FAM149A: variants seen among roughly 807,000 people sequenced by gnomAD.
FAM149A encodes the protein family with sequence similarity 149 member A.
Under a neutral mutation model 78.2 loss-of-function variants are expected in FAM149A, and 71 were observed. That is an observed-to-expected ratio of 0.91 (90% CI 0.75 to 1.11). FAM149A has a LOEUF of 1.11. Ranked by LOEUF, FAM149A falls within the 50% of genes least tolerant of loss-of-function variation. FAM149A has a pLI of 0.00. For synonymous variants in FAM149A, 446 were observed against 410.5 expected (o/e 1.09, Z -1.04); for missense variants, 1,036 against 971.0 (o/e 1.07, Z -0.89).
Position 186,105,421 on chromosome 4 carries a change from C to CG in FAM149A, c.350dup (p.Cys118LeufsTer56). ...CGCCCCAGCCCCCCACTCCCTCCGG[C>CG]GGGGGCTGCTCCCCTGCTCGCCTGG... On this transcript the variant is annotated frameshift_variant, in exon 1 of 14. Coordinates refer to ENST00000389354, the MANE Select transcript of FAM149A (RefSeq NM_001367768.3). LOFTEE classifies it high-confidence loss of function. 1 of 1,196,672 alleles carries CG rather than the reference C, an allele frequency of 8.4e-7. No individual in the cohort carries two copies. The highest frequency in any genetic ancestry group is 3.5e-5 in the Admixed American group (1 of 28,788). 74.1% of individuals were successfully genotyped at this position (1,196,672 alleles called of 1,614,324 possible).
intron 1 of FAM149A, chr4:186,127,143 C>A (rs1485578741): frequency 9.1e-6 from 9 of 985,004 alleles, no homozygotes; most frequent in African/African-American, 8.7e-5. Context: ...ACTGCACGGG[C>A]CAACAGGAGC....
chr4:186,119,962 A>G (rs1302476036), intron 1 of FAM149A, among the ~76,000 whole-genome samples: 4 of 152,344 alleles, frequency 2.6e-5, no homozygotes, highest in South Asian at 2.1e-4. Flanking sequence ...ATCCTAAGGA[A>G]CTACAGTTTG....
intron 1 of FAM149A, among the ~76,000 whole-genome samples, chr4:186,107,999 T>C (rs1561381384): frequency 6.6e-6 from 1 of 152,260 alleles, no homozygotes; most frequent in Non-Finnish European, 1.5e-5. Context: ...CTTTCAATAC[T>C]GCAGACTTTG....
chr4:186,165,001 C>T (rs1003405655), intron 10 of FAM149A, among the ~76,000 whole-genome samples: 5 of 152,160 alleles, frequency 3.3e-5, no homozygotes, highest in Admixed American at 3.3e-4. Context: ...CAGTGCCCAC[C>T]CCCTTTGGTG....
At chr4:186,118,686 C>T (rs1300137340) in intron 1 of FAM149A, among the ~76,000 whole-genome samples, 2 of 151,848 alleles carry the variant, frequency 1.3e-5, no homozygotes, top group Non-Finnish European at 2.9e-5. Flanking sequence ...CTTAAAATAC[C>T]GGGCTAAGCA....
At chr4:186,110,363 A>AGGGATGAACGGTGGCTCT in intron 1 of FAM149A, 3 of 970,438 alleles carry the variant, frequency 3.1e-6, no homozygotes, top group Non-Finnish European at 3.7e-6. Context: ...ACGGTGGCTC[A>AGGGATGAACGGTGGCTCT]GTGTACAATT....
Position 186,110,943 on chromosome 4 carries a change from A to C in FAM149A, c.566+5301A>C, listed in dbSNP as rs1423466560. Among the ~76,000 whole-genome samples the C allele has an allele frequency of 2.8e-3, 383 of 135,938 alleles. 4 individuals are homozygous for C. The highest frequency in any genetic ancestry group is 0.01 in the African/African-American group (364 of 35,192). 89.2% of individuals were successfully genotyped at this position (135,938 alleles called of 152,430 possible). On this transcript the variant is annotated intron_variant, in intron 1 of 13. Transcript: ENST00000389354. ...GATGGCTGGGTCAAATGGTATTTCT[A>C]GTTCTAGATCCCTGAGGAATCGCCA...
intron 1 of FAM149A, among the ~76,000 whole-genome samples, chr4:186,141,018 A>AT (rs1447852120): frequency 3.3e-5 from 5 of 152,208 alleles, no homozygotes; most frequent in African/African-American, 1.2e-4. Flanking sequence ...AGCATCTGGT[A>AT]TTTTTAAGAA....
chr4:186,147,091 T>C, intron 1 of FAM149A: 2 of 637,980 alleles, frequency 3.1e-6, no homozygotes, highest in Non-Finnish European at 3.9e-6. Flanking sequence ...ATGATGATAA[T>C]AGCAGTGAGA....
At position 186,164,648 on chromosome 4, in the gene FAM149A, C is replaced by A; in HGVS notation, c.1890-696C>A. ...CTTCCCCCCATGCCAGTCAGCAGCACACGGTGCCAGTCAGCAACACATGGC... is the reference window on the plus strand; with the variant it reads ...CTTCCCCCCATGCCAGTCAGCAGCAAACGGTGCCAGTCAGCAACACATGGC... On this transcript the variant is annotated intron_variant, in intron 10 of 13. Coordinates refer to ENST00000389354, the MANE Select transcript of FAM149A (RefSeq NM_001367768.3). This position sits in a 1 kb window ranked among gnomAD's most constrained non-coding sequence, Gnocchi z 4.0. 1 of 231,418 alleles carries A rather than the reference C, an allele frequency of 4.3e-6. No homozygotes were observed. The highest frequency in any genetic ancestry group is 7.1e-6 in the Non-Finnish European group (1 of 140,530). 14.3% of individuals were successfully genotyped at this position (231,418 alleles called of 1,614,324 possible).
At position 186,156,015 on chromosome 4, in the gene FAM149A, T is replaced by C. The variant is rs17881021; in HGVS notation, c.1245T>C (p.Leu415=). The change falls in exon 7 of 14, where the codon CTT becomes CTC. Residue 415 remains leucine (L), a synonymous_variant. Coordinates refer to ENST00000389354, the MANE Select transcript of FAM149A (RefSeq NM_001367768.3). Reference sequence around the variant, plus strand: ...TTATTCTTAGTGATGATGAATGTCTTGAACAAAAACCAGCTCAGCCCGGTA... The same window carrying C: ...TTATTCTTAGTGATGATGAATGTCTCGAACAAAAACCAGCTCAGCCCGGTA... 1.9e-6 allele frequency: 3 copies of C among 1,612,520 alleles called. No homozygotes were observed. The highest frequency in any genetic ancestry group is 1.1e-5 in the South Asian group (1 of 90,468).
chr4:186,125,795 A>G, intron 1 of FAM149A: 1 of 985,404 alleles, frequency 1.0e-6, no homozygotes, highest in South Asian at 4.7e-5. Context: ...GGGGCCATGA[A>G]TACCCAACCG....
rs780010526 is a variant in FAM149A, at chr4:186,152,006, C to T, written c.893C>T (p.Ala298Val). Residue 298 changes from alanine (A) to valine (V), a missense_variant, in exon 4 of 14, where the codon GCC (alanine) becomes GTC (valine). By Grantham distance (64) the Ala-to-Val change is moderately conservative (BLOSUM62 0). This residue lies in a region of FAM149A where 716 missense variants were observed against 711.8 expected (regional missense o/e 1.01). Transcript: ENST00000389354. ...AACCCTCAGACCCAGAGTCTGCTGGCCGAATGCGGGGAGTGGACAAGAAGA... is the reference window on the plus strand; with the variant it reads ...AACCCTCAGACCCAGAGTCTGCTGGTCGAATGCGGGGAGTGGACAAGAAGA... 3.7e-6 allele frequency: 6 copies of T among 1,613,936 alleles called. No individual in the cohort carries two copies. In the Admixed American group the frequency reaches 6.7e-5, roughly 18 times the overall value.
rs547777267 is a variant in FAM149A, at chr4:186,125,129, A to G, written c.566+19487A>G. The G allele has an allele frequency of 6.0e-5, 19 of 316,140 alleles. No individual in the cohort carries two copies. The East Asian group carries it at 3.3e-3, about 54-fold the overall frequency. 19.6% of individuals were successfully genotyped at this position (316,140 alleles called of 1,614,324 possible). The stretch of plus-strand genomic sequence containing the variant: ...TGGGCTTGTCATTTTTATGGAACAC[A>G]GTGTGGTCATGTGTCCACAGCCATA... On this transcript the variant is annotated intron_variant, in intron 1 of 13. Coordinates refer to ENST00000389354, the MANE Select transcript of FAM149A (RefSeq NM_001367768.3).
chr4:186,141,777 G>A (rs2099325887), intron 1 of FAM149A, among the ~76,000 whole-genome samples: 1 of 152,108 alleles, frequency 6.6e-6, no homozygotes, highest in Non-Finnish European at 1.5e-5. Context: ...CAGATTTAGG[G>A]GTGTCTCATA....
chr4:186,108,703 A>G (rs958735428), intron 1 of FAM149A, among the ~76,000 whole-genome samples: 8 of 152,064 alleles, frequency 5.3e-5, no homozygotes, highest in African/African-American at 1.9e-4. Context: ...AACACCTTTG[A>G]TCTTCACCTT....
intron 4 of FAM149A, among the ~76,000 whole-genome samples, chr4:186,152,654 C>T (rs561161242): frequency 2.7e-5 from 4 of 150,710 alleles, no homozygotes; most frequent in Non-Finnish European, 5.9e-5. Context: ...ACGCCATCCT[C>T]CTGCCTCAGC....
rs769999654 is a variant in FAM149A at position 186,153,813 on chromosome 4, A to G, written c.1058+43A>G. The G allele has an allele frequency of 1.7e-5, 27 of 1,560,746 alleles. No homozygotes were observed. The East Asian group carries it at 3.9e-4, about 22-fold the overall frequency. Reference sequence around the variant, plus strand: ...ACTCTCAAAAAGTATTGTTAGCTGTATTTTAGTTATACTTTTTCATGTTTA... The same window carrying G: ...ACTCTCAAAAAGTATTGTTAGCTGTGTTTTAGTTATACTTTTTCATGTTTA... On this transcript the variant is annotated intron_variant, in intron 5 of 13. Coordinates refer to ENST00000389354, the MANE Select transcript of FAM149A (RefSeq NM_001367768.3).
intron 1 of FAM149A, chr4:186,132,996 A>T: frequency 1.0e-6 from 1 of 985,352 alleles, no homozygotes; most frequent in Non-Finnish European, 1.2e-6. Context: ...GTGCTCTGAG[A>T]CGAGCTCTGC....
Sources: allele counts gnomAD v4.1 joint callset (sites outside exome capture counted in the v4.1 genomes callset), GRCh38; gene constraint gnomAD v4.1.1; regional missense constraint gnomAD v4.1.1; non-coding constraint Gnocchi (gnomAD v3.1); transcripts MANE v1.5; gene names NCBI Gene and HGNC (gene_info 2026-07-23, HGNC 2026-07-21).